Variants in PLA2G4B observed in about 807,000 individuals in gnomAD.
The protein encoded by PLA2G4B is cytosolic phospholipase A2 beta.
A neutral mutation model predicts 95.8 loss-of-function variants in PLA2G4B; 122 were observed. That is an observed-to-expected ratio of 1.27 (90% CI 1.10 to 1.48). The LOEUF is 1.48. PLA2G4B is among the 40% of genes most tolerant of loss of function. PLA2G4B has a pLI of 0.00. For missense variants in PLA2G4B, 1,158 were observed against 996.2 expected, an observed-to-expected ratio of 1.16 and a Z score of -2.19; for synonymous variants, 518 against 421.5, an observed-to-expected ratio of 1.23 and a Z score of -2.80.
rs1171330338 is a variant in PLA2G4B, at chr15:41,847,718, A to G, written c.2204A>G (p.His735Arg). 8 of 1,613,516 alleles carry G rather than the reference A, an allele frequency of 5.0e-6. No homozygotes were observed. The highest frequency in any genetic ancestry group is 4.5e-5 in the East Asian group (2 of 44,892). Reference protein sequence around the residue: ...VNLSSSDSPYHYTKVTYSQED... With the variant: ...VNLSSSDSPYRYTKVTYSQED... ...CTGTCTTCATCGGACTCTCCCTACC[A>G]CTACACGAAGGTGACCTACAGCCAG... Residue 735 changes from histidine (H) to arginine (R), a missense_variant, in exon 20 of 20, where the codon CAC becomes CGC. Coordinates refer to ENST00000458483, the MANE Select transcript of PLA2G4B (RefSeq NM_001114633.2).
At chr15:41,840,353 A>AGCTGAGAGGAGCT (rs1157092429) in intron 2 of PLA2G4B, 123 bp downstream of exon 2, 2 of 1,566,890 alleles carry the variant, frequency 1.3e-6, no homozygotes, top group African/African-American at 2.7e-5. Context: ...TAGAGGAGGG[A>AGCTGAGAGGAGCT]GCTGAGAGGA....
At chr15:41,845,130 C>T in intron 13 of PLA2G4B, 60 bp downstream of exon 13, 1 of 1,608,366 alleles carries the variant, frequency 6.2e-7, no homozygotes, top group South Asian at 1.1e-5. Context: ...GGGCTCGGTG[C>T]TGGACAGCAG....
intron 18 of PLA2G4B, 58 bp from the exon 19 acceptor site, chr15:41,847,279 C>CA: frequency 6.5e-7 from 1 of 1,536,442 alleles, no homozygotes; most frequent in Admixed American, 1.9e-5. Context: ...ACGTCAGCCC[C>CA]AGTGTTGAGG....
chr15:41,846,583 G>A, intron 17 of PLA2G4B, 86 bp from the exon 18 acceptor site: 1 of 1,530,786 alleles, frequency 6.5e-7, no homozygotes, highest in Non-Finnish European at 8.8e-7. Context: ...CAGGAGAGCA[G>A]GGACCAGAGG....
In PLA2G4B at chr15:41,847,815, T is replaced by C. The variant is rs2065600398; in HGVS notation, c.2301T>C (p.Ala767=). 8 of 1,608,286 alleles carry C rather than the reference T, an allele frequency of 5.0e-6. No homozygotes were observed. Among genetic ancestry groups the C allele is most frequent in the Non-Finnish European group, 4.2e-6 (5 of 1,179,984 alleles). ...VCNNQEQLLE[A]LRQAVQRRRQ... ...ACAACCAGGAGCAGCTGCTGGAGGC[T>C]CTGCGCCAGGCAGTGCAGCGGAGGC... The change falls in exon 20 of 20, where the codon GCT becomes GCC. Residue 767 remains alanine, a synonymous_variant. Transcript: ENST00000458483.
intron 11 of PLA2G4B, 27 bp downstream of exon 11, chr15:41,843,838 T>C (rs755345838): frequency 1.2e-6 from 2 of 1,609,800 alleles, no homozygotes; most frequent in Non-Finnish European, 1.7e-6. Flanking sequence ...GGATGGGGTG[T>C]CCCCGGGCTT....
At position 41,848,140 on chromosome 15, in the gene PLA2G4B, C is replaced by G. The variant is rs1275132553; in HGVS notation, c.*280C>G. On this transcript the variant is annotated 3_prime_UTR_variant, in exon 20 of 20. Coordinates refer to ENST00000458483, the MANE Select transcript of PLA2G4B (RefSeq NM_001114633.2). ...GCACTTGATACATCACAGACTCATA[C>G]AAATGTGAGGCGCTGAGACCATCTG... The G allele has an allele frequency of 7.1e-6, 4 of 564,274 alleles. No individual in the cohort carries two copies. Among genetic ancestry groups the G allele is most frequent in the African/African-American group, 5.6e-5 (3 of 53,138 alleles). The allele number at this position is 564,274 out of a possible 1,614,324, so 35.0% of individuals were successfully genotyped here.
At position 41,844,878 on chromosome 15, in the gene PLA2G4B, G is replaced by A. The variant is rs1367211983; in HGVS notation, c.1047G>A (p.Glu349=). 6.2e-7 allele frequency: 1 copy of A among 1,610,314 alleles called. No individual in the cohort carries two copies. The highest frequency in any genetic ancestry group is 1.3e-5 in the African/African-American group (1 of 74,908). Residue 349 remains glutamate (E), a synonymous_variant, in exon 13 of 20, where the codon GAG becomes GAA. Coordinates refer to ENST00000458483, the MANE Select transcript of PLA2G4B (RefSeq NM_001114633.2). The part of the protein sequence containing the change: ...WALANLYEDP[E]WSQKDLAGPT... ...TGGCCAACCTTTATGAGGACCCAGA[G>A]TGGTCTCAGAAGGACCTGGCAGGGC... is the stretch of plus-strand genomic sequence containing the variant.
At chr15:41,842,776 C>A in intron 10 of PLA2G4B, 185 bp downstream of exon 10, 7 of 915,132 alleles carry the variant, frequency 7.6e-6, no homozygotes, top group Non-Finnish European at 1.1e-5. Context: ...AGTCTTAGCA[C>A]CTATGGTCAG....
rs1284166135 is a variant in PLA2G4B, at chr15:41,840,185, A to C, written c.37A>C (p.Thr13Pro). The C allele has an allele frequency of 1.2e-6, 2 of 1,613,014 alleles. No individual in the cohort carries two copies. The highest frequency in any genetic ancestry group is 2.7e-5 in the African/African-American group (2 of 74,830). The change falls in exon 2 of 20, where the codon ACG (threonine) becomes CCG (proline). Residue 13 changes from threonine to proline, a missense_variant. Coordinates refer to ENST00000458483, the MANE Select transcript of PLA2G4B (RefSeq NM_001114633.2). Reference sequence around the variant, plus strand: ...AGAGGTGTCCAGGACCTGCCTGCTCACGGTTCGTGTCCTGCAGGCCCATCG... The same window carrying C: ...AGAGGTGTCCAGGACCTGCCTGCTCCCGGTTCGTGTCCTGCAGGCCCATCG... ...VAEVSRTCLL[T>P]VRVLQAHRLP...
chr15:41,847,926 T>C lies in PLA2G4B; in HGVS notation c.*66T>C. On this transcript the variant is annotated 3_prime_UTR_variant, in exon 20 of 20. Coordinates refer to ENST00000458483, the MANE Select transcript of PLA2G4B (RefSeq NM_001114633.2). ...TGGCTGCTGAGTTGCAGGTGGGAACTGTCATCACGCAGTGCTTCAGAGCCT... is the reference window on the plus strand; with the variant it reads ...TGGCTGCTGAGTTGCAGGTGGGAACCGTCATCACGCAGTGCTTCAGAGCCT... The C allele has an allele frequency of 6.5e-7, 1 of 1,543,082 alleles. No individual in the cohort carries two copies. Among genetic ancestry groups the C allele is most frequent in the Non-Finnish European group, 8.7e-7 (1 of 1,148,038 alleles).
In PLA2G4B at chr15:41,841,241, G is replaced by A. The variant is rs113148583; in HGVS notation, c.403G>A (p.Gly135Ser). Residue 135 changes from glycine (G) to serine (S), a missense_variant, in exon 6 of 20, where the codon GGC becomes AGC. By Grantham distance (56) the Gly-to-Ser change is moderately conservative (BLOSUM62 0). Transcript: ENST00000458483. ...GGGGGCTCTTTCCAGGGCTGACCGT[G>A]GCGAGTGGCTCGTCAGCAATGGCGT... ...EFRLQSLADRGEWLVSNGVLV... is the reference protein window; with the variant it reads ...EFRLQSLADRSEWLVSNGVLV... 6.2e-7 allele frequency: 1 copy of A among 1,613,846 alleles called. No individual in the cohort carries two copies. Among genetic ancestry groups the A allele is most frequent in the Non-Finnish European group, 8.5e-7 (1 of 1,180,010 alleles).
chr15:41,841,416 A>G (rs1595419486), intron 6 of PLA2G4B, 101 bp from the exon 7 acceptor site: 1 of 1,608,442 alleles, frequency 6.2e-7, no homozygotes, highest in Admixed American at 1.7e-5. Context: ...TCAAGGGCCC[A>G]GGTAATGAAG....
rs974107936 is a variant in PLA2G4B, at chr15:41,845,070, G to A, written c.1239G>A (p.Glu413=). ...ALINEALLHD[E]PHDHKLSDQR... ...TCAACGAGGCGCTGCTGCATGATGA[G>A]GTGCGGGGGCTGCGGCCTGGGGGCA... Residue 413 remains glutamate (E), a splice_region_variant and synonymous_variant, in exon 13 of 20, where the codon GAG becomes GAA. Transcript: ENST00000458483. The A allele has an allele frequency of 1.9e-6, 3 of 1,596,920 alleles. No homozygotes were observed. In the African/African-American group the frequency reaches 4.0e-5, roughly 21 times the overall value.
Position 41,846,732 on chromosome 15 carries a change from A to ATGTT in PLA2G4B, c.1845_1848dup (p.Gly617CysfsTer184). 1 of 1,613,758 alleles carries ATGTT rather than the reference A, an allele frequency of 6.2e-7. No individual in the cohort carries two copies. The highest frequency in any genetic ancestry group is 8.5e-7 in the Non-Finnish European group (1 of 1,179,878). Reference sequence around the variant, plus strand: ...TCGGAGCCCCACCTGTGCCTGCTGGATGTTGGCTACCTCATCAATACCAGC... The same window carrying ATGTT: ...TCGGAGCCCCACCTGTGCCTGCTGGATGTTTGTTGGCTACCTCATCAATACCAGC... On this transcript the variant is annotated frameshift_variant, in exon 18 of 20. Transcript: ENST00000458483. LOFTEE classifies it high-confidence loss of function.
chr15:41,844,748 G>A (rs2065501147), intron 12 of PLA2G4B, 100 bp from the exon 13 acceptor site: 1 of 1,541,608 alleles, frequency 6.5e-7, no homozygotes, highest in East Asian at 2.4e-5. Flanking sequence ...ACCCTGGGAA[G>A]GTCCCTGCCA....
In PLA2G4B at chr15:41,843,816, G is replaced by A; in HGVS notation, c.879+5G>A. 7 of 1,612,824 alleles carry A rather than the reference G, an allele frequency of 4.3e-6. No homozygotes were observed. Among genetic ancestry groups the A allele is most frequent in the Non-Finnish European group, 5.1e-6 (6 of 1,179,110 alleles). On this transcript the variant is annotated splice_donor_5th_base_variant and intron_variant, in intron 11 of 19. Coordinates refer to ENST00000458483, the MANE Select transcript of PLA2G4B (RefSeq NM_001114633.2). ...GGAGACCTGCAGGAGGATGAGGTTT[G>A]GGGGCTGGGCTGGATGGGGTGTCCC...
intron 8 of PLA2G4B, 29 bp from the exon 9 acceptor site, chr15:41,842,164 C>G: frequency 1.2e-6 from 2 of 1,612,882 alleles, no homozygotes; most frequent in Non-Finnish European, 1.7e-6. Context: ...CGTAAAGATT[C>G]TTAGGTCTGC....
rs765375236 is a variant in PLA2G4B at position 41,841,060 on chromosome 15, G to A, written c.357G>A (p.Glu119=). The A allele has an allele frequency of 2.5e-6, 4 of 1,580,478 alleles. No homozygotes were observed. The highest frequency in any genetic ancestry group is 3.4e-6 in the Non-Finnish European group (4 of 1,160,412). The change falls in exon 5 of 20, where the codon GAG becomes GAA. Residue 119 remains glutamate, a synonymous_variant. Coordinates refer to ENST00000458483, the MANE Select transcript of PLA2G4B (RefSeq NM_001114633.2). ...ACTTCTGGCTCTCTTCCCAGGGTGA[G>A]GGGCGCCTGGAAGTTGAATTTCGCC... ...RESFSLSPQG[E]GRLEVEFRLQ...
Sources: gnomAD v4.1 joint callset for allele counts on GRCh38, gnomAD v4.1.1 for gene constraint, MANE v1.5 for transcripts, NCBI Gene and HGNC (gene_info 2026-07-23, HGNC 2026-07-21) for gene names.